MAP7D3: variants seen among roughly 807,000 people sequenced by gnomAD.
MAP7D3 encodes the protein MAP7 domain-containing protein 3.
MAP7D3 carries 45 observed loss-of-function variants against 62.2 expected under a neutral mutation model. That is an observed-to-expected ratio of 0.72 (90% CI 0.57 to 0.93). The LOEUF (loss-of-function observed/expected upper bound fraction) is 0.93, where lower values mean the gene tolerates loss of function less well. MAP7D3 is among the 40% of genes least tolerant of loss of function. The probability of loss-of-function intolerance (pLI) is 0.00; values close to 1 mark genes in which losing one functional copy is unlikely to be tolerated. For missense variants in MAP7D3, 711 were observed against 683.1 expected, an observed-to-expected ratio of 1.04 and a Z score of -0.45; for synonymous variants, 288 against 248.8, an observed-to-expected ratio of 1.16 and a Z score of -1.48.
chrX:136,231,748 C>T lies in MAP7D3; in HGVS notation c.1209G>A (p.Glu403=), dbSNP rs2074270943. The stretch of plus-strand genomic sequence containing the variant: ...CCTCTGGGGCTGCTTCCACGCTCAC[C>T]TCTGGCAGTGCTTCCAGACTCACTT... The part of the protein sequence containing the change: ...PPEVSLEALP[E]VSVEAAPEGS... The change falls in exon 8 of 19, where the codon GAG becomes GAA. Residue 403 remains glutamate, a synonymous_variant. Coordinates refer to ENST00000316077, the MANE Select transcript of MAP7D3 (RefSeq NM_024597.4). The T allele has an allele frequency of 5.0e-6, 6 of 1,211,195 alleles. No homozygotes were observed. Among genetic ancestry groups the T allele is most frequent in the African/African-American group, 3.5e-5 (2 of 57,644 alleles).
At position 136,246,094 on chromosome X, in the gene MAP7D3, C is replaced by T. The variant is rs764183267; in HGVS notation, c.224G>A (p.Arg75His). Residue 75 changes from arginine to histidine, a missense_variant, in exon 3 of 19, where the codon CGC (arginine) becomes CAC (histidine). Arg to His is a conservative substitution (Grantham distance 29). Transcript: ENST00000316077. ...TTGCTGTCTCCTTTTCTCCTCTCTG[C>T]GCTCTCTTGCTAATCTTTGTTTTAT... ...NDIKQRLARE[R>H]REEKRRQQDA... The T allele has an allele frequency of 1.5e-5, 18 of 1,200,115 alleles. No individual in the cohort carries two copies. In the Admixed American group the frequency reaches 1.8e-4, roughly 12 times the overall value.
At chrX:136,253,665 TG>T (rs1158298147), upstream of MAP7D3, among the ~76,000 whole-genome samples, 1 of 111,945 alleles carries the variant, frequency 8.9e-6, no homozygotes, top group African/African-American at 3.3e-5. Context: ...TTCTTGGGTG[TG>T]GGAATGATGT....
At chrX:136,225,497 C>A (rs1222207869) in intron 13 of MAP7D3, among the ~76,000 whole-genome samples, 2 of 111,813 alleles carry the variant, frequency 1.8e-5, no homozygotes, top group Non-Finnish European at 3.8e-5. Context: ...GTGGCCCTAC[C>A]TTAAAAATAG....
intron 4 of MAP7D3, among the ~76,000 whole-genome samples, 172 bp from the exon 5 acceptor site, chrX:136,241,449 AT>A (rs200523789): frequency 2.7e-5 from 3 of 110,331 alleles, no homozygotes; most frequent in Middle Eastern, 4.7e-3. Context: ...TAAATAACTC[AT>A]TTTTTTTTAT....
intron 9 of MAP7D3, 94 bp from the exon 10 acceptor site, chrX:136,230,687 A>T (rs1051712645): frequency 1.1e-6 from 1 of 873,521 alleles, no homozygotes; most frequent in Admixed American, 3.0e-5. Context: ...ATAATCAGGG[A>T]ATTTTTCTGA....
intron 5 of MAP7D3, 81 bp from the exon 6 acceptor site, chrX:136,240,567 G>C: frequency 1.6e-6 from 1 of 642,003 alleles, no homozygotes; most frequent in Non-Finnish European, 2.5e-6. Flanking sequence ...GAGTTTTCAT[G>C]ATATAGTTCT....
chrX:136,256,313 T>C, upstream of MAP7D3: 2 of 1,155,504 alleles, frequency 1.7e-6, no homozygotes, highest in Non-Finnish European at 2.3e-6. Flanking sequence ...CCTCGGGGGC[T>C]GGTCATGTCT....
At chrX:136,250,327 C>T (rs1318387464) in intron 1 of MAP7D3, among the ~76,000 whole-genome samples, 3 of 112,071 alleles carry the variant, frequency 2.7e-5, no homozygotes, top group Non-Finnish European at 5.6e-5. Context: ...TATTCGCGCT[C>T]ATAGCAGAGG....
intron 4 of MAP7D3, among the ~76,000 whole-genome samples, chrX:136,242,789 C>T (rs2074403532): frequency 8.9e-6 from 1 of 112,131 alleles, no homozygotes; most frequent in Admixed American, 9.5e-5. Flanking sequence ...TGGTTCTTTA[C>T]TTAGTTCTTG....
chrX:136,233,337 C>T (rs1192304050), intron 7 of MAP7D3, among the ~76,000 whole-genome samples: 1 of 105,784 alleles, frequency 9.5e-6, no homozygotes, highest in Non-Finnish European at 1.9e-5. Context: ...TGCAGTGGCG[C>T]AATCTTGGCT....
Position 136,244,769 on chromosome X carries a change from T to C in MAP7D3, c.280A>G (p.Lys94Glu). Residue 94 changes from lysine (K) to glutamate (E), a missense_variant, in exon 4 of 19, where the codon AAA (lysine) becomes GAA (glutamate). Lys to Glu is a moderately conservative substitution (Grantham distance 56). Coordinates refer to ENST00000316077, the MANE Select transcript of MAP7D3 (RefSeq NM_024597.4). ...DANKETQLLE[K>E]ERKTKLQYEK... ...TATTGGAGCTTGGTCTTTCTTTCTT[T>C]TTCAAGTAGTTGTGTTTCTTTATTG... 8.4e-7 allele frequency: 1 copy of C among 1,197,149 alleles called. No homozygotes were observed. Among genetic ancestry groups the C allele is most frequent in the Non-Finnish European group, 1.1e-6 (1 of 887,215 alleles).
At chrX:136,228,964 T>C (rs1191759181) in intron 10 of MAP7D3, 1 of 258,889 alleles carries the variant, frequency 3.9e-6, no homozygotes, top group Non-Finnish European at 6.7e-6. Flanking sequence ...TGTTTCTTTT[T>C]AACACCTACT....
intron 7 of MAP7D3, among the ~76,000 whole-genome samples, chrX:136,234,012 T>C (rs1336531273): frequency 1.8e-5 from 2 of 110,906 alleles, no homozygotes; most frequent in Non-Finnish European, 1.9e-5. Flanking sequence ...GAAAATAACC[T>C]GACATACACA....
chrX:136,224,461 T>G (rs1394326606), intron 14 of MAP7D3, among the ~76,000 whole-genome samples: 2 of 105,810 alleles, frequency 1.9e-5, no homozygotes, highest in Non-Finnish European at 3.9e-5. Flanking sequence ...TATCCTGATT[T>G]GATCATTACA....
At chrX:136,241,349 A>T in intron 4 of MAP7D3, 72 bp from the exon 5 acceptor site, 1 of 606,270 alleles carries the variant, frequency 1.6e-6, no homozygotes, top group Non-Finnish European at 2.5e-6. Flanking sequence ...GTGGTTTATA[A>T]AATAAACCAT....
At chrX:136,213,633 T>C (rs996932547), downstream of MAP7D3, 1 of 111,437 alleles carries the variant, frequency 9.0e-6, no homozygotes, top group Admixed American at 9.5e-5. Context: ...AAGACACTGC[T>C]CTGGTGTCTG....
rs1361876349 is a variant in MAP7D3 at position 136,227,427 on chromosome X, T to C, written c.1891A>G (p.Ile631Val). 1.7e-6 allele frequency: 2 copies of C among 1,181,485 alleles called. No homozygotes were observed. The highest frequency in any genetic ancestry group is 2.3e-6 in the Non-Finnish European group (2 of 873,579). Residue 631 changes from isoleucine (I) to valine (V), a missense_variant, in exon 12 of 19, where the codon ATT becomes GTT. Transcript: ENST00000316077. ...RQREEMQQRV[I>V]KKSKDMAKEA... ...TTTGCCATGTCTTTTGATTTCTTAA[T>C]GACCCTGAGAGTATTTAAATAATTG...
At chrX:136,231,036 T>G (rs2074261338) in intron 8 of MAP7D3, 70 bp from the exon 9 acceptor site, 1 of 857,314 alleles carries the variant, frequency 1.2e-6, no homozygotes, top group Admixed American at 3.3e-5. Context: ...CTTTTTTTTT[T>G]TTTTTGAAGA....
At chrX:136,230,687 A>G in intron 9 of MAP7D3, 94 bp from the exon 10 acceptor site, 1 of 874,966 alleles carries the variant, frequency 1.1e-6, no homozygotes, top group Non-Finnish European at 1.6e-6. Flanking sequence ...ATAATCAGGG[A>G]ATTTTTCTGA....
Sources: gnomAD v4.1 joint callset for allele counts (sites outside exome capture counted in the v4.1 genomes callset) on GRCh38, gnomAD v4.1.1 for gene constraint, MANE v1.5 for transcripts, NCBI Gene and HGNC (gene_info 2026-07-23, HGNC 2026-07-21) for gene names.